RYR2: variants seen among roughly 807,000 people sequenced by gnomAD.
RYR2 encodes the protein cardiac muscle ryanodine receptor-calcium release channel.
RYR2 carries 227 observed loss-of-function variants against 601.1 expected under a neutral mutation model. That is an observed-to-expected ratio of 0.38 (90% CI 0.34 to 0.42). The LOEUF is 0.42. Ranked by LOEUF, RYR2 falls within the 10% of genes least tolerant of loss-of-function variation. The pLI is 1.00. For synonymous variants in RYR2, 2,223 were observed against 2,175.1 expected, an observed-to-expected ratio of 1.02 and a Z score of -0.61; for missense variants, 4,646 against 6,156.5, an observed-to-expected ratio of 0.75 and a Z score of 8.21.
chr1:237,817,048 T>A (rs901880606), intron 100 of RYR2, among the ~76,000 whole-genome samples: 3 of 152,138 alleles, frequency 2.0e-5, no homozygotes, highest in Non-Finnish European at 4.4e-5. Flanking sequence ...AAGAGACCCC[T>A]AACCTGGGCT....
chr1:237,565,486 C>T (rs1671972242), intron 27 of RYR2, among the ~76,000 whole-genome samples: 1 of 151,958 alleles, frequency 6.6e-6, no homozygotes. Context: ...CGGGCGCGAT[C>T]CTCCCGCCTT....
chr1:237,128,712 C>T (rs778559163), intron 1 of RYR2, among the ~76,000 whole-genome samples: 7 of 151,986 alleles, frequency 4.6e-5, no homozygotes, highest in African/African-American at 1.5e-4. Flanking sequence ...ATTGGGAGGT[C>T]GGGATGGGAA....
chr1:237,211,129 G>A (rs143902253), intron 1 of RYR2, among the ~76,000 whole-genome samples: 36 of 152,250 alleles, frequency 2.4e-4, no homozygotes, highest in African/African-American at 7.5e-4. Context: ...ACACGGACGC[G>A]GATGCATTTT....
chr1:237,818,443 G>A (rs1027259238), intron 100 of RYR2, among the ~76,000 whole-genome samples: 1 of 152,154 alleles, frequency 6.6e-6, no homozygotes, highest in African/African-American at 2.4e-5. Context: ...GGCACAGGCA[G>A]CTGTACTTGT....
At position 237,674,089 on chromosome 1, in the gene RYR2, C is replaced by G; in HGVS notation, c.8591-7C>G. Reference sequence around the variant, plus strand: ...TATGCTGTGTTCTTGTCCTGACATACTCTTAGGAGGAGGAAACCATCCTCT... The same window carrying G: ...TATGCTGTGTTCTTGTCCTGACATAGTCTTAGGAGGAGGAAACCATCCTCT... On this transcript the variant is annotated splice_polypyrimidine_tract_variant and splice_region_variant and intron_variant, in intron 58 of 104. Transcript: ENST00000366574. The G allele has an allele frequency of 6.2e-7, 1 of 1,609,112 alleles. No individual in the cohort carries two copies. Among genetic ancestry groups the G allele is most frequent in the Non-Finnish European group, 8.5e-7 (1 of 1,176,062 alleles).
chr1:237,477,297 A>G (rs1342874047), intron 17 of RYR2, among the ~76,000 whole-genome samples: 1 of 152,164 alleles, frequency 6.6e-6, no homozygotes, highest in Admixed American at 6.6e-5. Flanking sequence ...AGGCTGAGGC[A>G]GGAGAATCGC....
At position 237,731,927 on chromosome 1, in the gene RYR2, C is replaced by T. The variant is rs180844667; in HGVS notation, c.10936-119C>T. ...ACACACACACACACACACCCCACAA[C>T]AGGGAAGGAGGAACGTTCGCATTCC... On this transcript the variant is annotated intron_variant, in intron 77 of 104. Coordinates refer to ENST00000366574, the MANE Select transcript of RYR2 (RefSeq NM_001035.3). 93 of 620,468 alleles carry T rather than the reference C, an allele frequency of 1.5e-4. No individual in the cohort carries two copies. The East Asian group carries it at 2.3e-3, about 15-fold the overall frequency. 38.4% of individuals were successfully genotyped at this position (620,468 alleles called of 1,614,324 possible). A position where few individuals can be genotyped will look rare whatever the true frequency, so the allele number is the denominator to read the frequency against.
At position 237,806,277 on chromosome 1, in the gene RYR2, C is replaced by G. The variant is rs1660622870; in HGVS notation, c.14292C>G (p.Gly4764=). Residue 4764 remains glycine, a synonymous_variant, in exon 99 of 105, where the codon GGC becomes GGG. Transcript: ENST00000366574. ...TCTTGTCCTCAGTAACTCACAATGGCAAACAGGTAAACAGTTTATCTTTTT... is the reference window on the plus strand; with the variant it reads ...TCTTGTCCTCAGTAACTCACAATGGGAAACAGGTAAACAGTTTATCTTTTT... ...RTILSSVTHN[G]KQLVLTVGLL... 6.2e-7 allele frequency: 1 copy of G among 1,612,530 alleles called. No homozygotes were observed. The highest frequency in any genetic ancestry group is 1.1e-5 in the South Asian group (1 of 90,870).
chr1:237,724,591 A>G (rs1397403186), intron 74 of RYR2, among the ~76,000 whole-genome samples: 2 of 152,106 alleles, frequency 1.3e-5, no homozygotes, highest in East Asian at 3.9e-4. Flanking sequence ...TTTCCCCTGA[A>G]TAACTTACGT....
chr1:237,742,198 A>G, intron 79 of RYR2, 98 bp from the exon 80 acceptor site: 2 of 760,000 alleles, frequency 2.6e-6, no homozygotes, highest in South Asian at 3.4e-5. Context: ...ATGATAAATT[A>G]ATACAAATGA....
chr1:237,078,759 C>G (rs964381257), intron 1 of RYR2, among the ~76,000 whole-genome samples: 109 of 137,638 alleles, frequency 7.9e-4, no homozygotes, highest in African/African-American at 2.7e-3. Context: ...AAGAGGGAAT[C>G]CTCCCTAAGT....
At chr1:237,141,783 T>C (rs890574516) in intron 1 of RYR2, among the ~76,000 whole-genome samples, 1 of 152,202 alleles carries the variant, frequency 6.6e-6, no homozygotes, top group African/African-American at 2.4e-5. Context: ...TTTGCTATGT[T>C]CCCGGATCCT....
At chr1:237,807,836 T>C (rs1476009645) in intron 99 of RYR2, among the ~76,000 whole-genome samples, 1 of 152,180 alleles carries the variant, frequency 6.6e-6, no homozygotes, top group Non-Finnish European at 1.5e-5. Context: ...GCAGTTGCAG[T>C]CAAGACCATA....
intron 94 of RYR2, 149 bp downstream of exon 94, chr1:237,792,472 G>C: frequency 1.8e-6 from 1 of 568,872 alleles, no homozygotes. Flanking sequence ...TGGAAACTTT[G>C]TGCACAAAGT....
At chr1:237,825,463 T>G (rs1346142216) in intron 101 of RYR2, among the ~76,000 whole-genome samples, 3 of 152,184 alleles carry the variant, frequency 2.0e-5, no homozygotes, top group Non-Finnish European at 2.9e-5. Context: ...GCTAGCCATA[T>G]GCAGAAAGCT....
chr1:237,774,397 G>A (rs1303468803), intron 87 of RYR2, among the ~76,000 whole-genome samples: 1 of 152,122 alleles, frequency 6.6e-6, no homozygotes, highest in Non-Finnish European at 1.5e-5. Context: ...TCCCAGGAGC[G>A]TAACAGTTAC....
intron 103 of RYR2, 63 bp from the exon 104 acceptor site, chr1:237,831,451 A>T (rs1457075140): frequency 2.4e-5 from 21 of 878,056 alleles, no homozygotes; most frequent in Non-Finnish European, 3.5e-5. Flanking sequence ...TTATCTAAAT[A>T]TGCCCTGTTT....
At chr1:237,461,851 T>C (rs1199950774) in intron 16 of RYR2, among the ~76,000 whole-genome samples, 4 of 151,178 alleles carry the variant, frequency 2.6e-5, no homozygotes, top group Non-Finnish European at 5.9e-5. Flanking sequence ...GTTTTTTTAA[T>C]GTTTTTGAGT....
At chr1:237,477,251 C>T (rs990449583) in intron 17 of RYR2, among the ~76,000 whole-genome samples, 4 of 152,038 alleles carry the variant, frequency 2.6e-5, no homozygotes, top group South Asian at 2.1e-4. Context: ...ATAAGCTGGG[C>T]GTAGTGGTGC....
Sources: gnomAD v4.1 joint callset for allele counts (sites outside exome capture counted in the v4.1 genomes callset) on GRCh38, gnomAD v4.1.1 for gene constraint, MANE v1.5 for transcripts, NCBI Gene and HGNC (gene_info 2026-07-23, HGNC 2026-07-21) for gene names.